NALCN: variants seen among roughly 807,000 people sequenced by gnomAD.
NALCN encodes sodium leak channel NALCN.
In NALCN, 111 loss-of-function variants were observed where a neutral mutation model predicts 225.3. The observed-to-expected ratio is 0.49, with a 90% CI of 0.42 to 0.58. NALCN has a LOEUF of 0.58. NALCN is among the 20% of genes least tolerant of loss of function. The pLI, the probability that NALCN is intolerant of heterozygous loss-of-function variation, is 0.00. For missense variants in NALCN, 1,378 were observed against 2,202.4 expected, an observed-to-expected ratio of 0.63 and a Z score of 7.49; for synonymous variants, 764 against 769.0, an observed-to-expected ratio of 0.99 and a Z score of 0.11.
intron 7 of NALCN, among the ~76,000 whole-genome samples, chr13:101,339,465 A>C (rs1242730706): frequency 6.6e-6 from 1 of 152,164 alleles, no homozygotes; most frequent in Non-Finnish European, 1.5e-5. Flanking sequence ...TCCAGAAATA[A>C]AGATGGAAAG....
intron 17 of NALCN, among the ~76,000 whole-genome samples, chr13:101,128,584 C>T (rs1338014848): frequency 2.0e-5 from 3 of 150,324 alleles, no homozygotes; most frequent in African/African-American, 2.4e-5. Context: ...GACAGGGTTT[C>T]GTTCTGTCAC....
At chr13:101,107,415 T>C in intron 22 of NALCN, 72 bp downstream of exon 22, 1 of 1,604,098 alleles carries the variant, frequency 6.2e-7, no homozygotes, top group Non-Finnish European at 8.5e-7. Context: ...CGTTCCTTCT[T>C]CTTCATATGA....
intron 15 of NALCN, among the ~76,000 whole-genome samples, chr13:101,170,894 A>G (rs2038680589): frequency 6.6e-6 from 1 of 152,114 alleles, no homozygotes; most frequent in Non-Finnish European, 1.5e-5. Flanking sequence ...ATTTTATACC[A>G]CTTAAAAGAA....
intron 1 of NALCN, among the ~76,000 whole-genome samples, 186 bp from the exon 2 acceptor site, chr13:101,399,351 T>C (rs2047402463): frequency 6.6e-6 from 1 of 152,190 alleles, no homozygotes; most frequent in Non-Finnish European, 1.5e-5. Context: ...AGCTTGATTT[T>C]TTTCTCCCAA....
Position 101,308,841 on chromosome 13 carries a change from C to A in NALCN, c.800-16475G>T, listed in dbSNP as rs1438618423. On this transcript the variant is annotated intron_variant, in intron 7 of 43. Coordinates refer to ENST00000251127, the MANE Select transcript of NALCN (RefSeq NM_052867.4). Reference sequence around the variant, plus strand: ...ACAGCTCTTTTTTTCTCACAAAAGCCACTCTACTAACCTTGCCCTAAGTTA... The same window carrying A: ...ACAGCTCTTTTTTTCTCACAAAAGCAACTCTACTAACCTTGCCCTAAGTTA... Among the ~76,000 whole-genome samples the A allele has an allele frequency of 2.0e-5, 3 of 152,172 alleles. No homozygotes were observed. The East Asian group carries it at 5.8e-4, about 29-fold the overall frequency.
Position 101,378,595 on chromosome 13 carries a change from C to T in NALCN, c.350G>A (p.Cys117Tyr). 6.2e-7 allele frequency: 1 copy of T among 1,608,664 alleles called. No homozygotes were observed. The highest frequency in any genetic ancestry group is 8.5e-7 in the Non-Finnish European group (1 of 1,177,066). The change falls in exon 4 of 44, where the codon TGC (cysteine) becomes TAC (tyrosine). Residue 117 changes from cysteine (C) to tyrosine (Y), a missense_variant. By Grantham distance (194) the Cys-to-Tyr change is radical (BLOSUM62 -2). Coordinates refer to ENST00000251127, the MANE Select transcript of NALCN (RefSeq NM_052867.4). ...CTGTAGCACCAAAGAAACCCAAAGGCAAAAGACCATAAATCCATCAAAAAC... is the reference window on the plus strand; with the variant it reads ...CTGTAGCACCAAAGAAACCCAAAGGTAAAAGACCATAAATCCATCAAAAAC... ...WCVFDGFMVF[C>Y]LWVSLVLQVF...
intron 6 of NALCN, among the ~76,000 whole-genome samples, chr13:101,366,669 A>G (rs557636030): frequency 6.6e-6 from 1 of 152,302 alleles, no homozygotes; most frequent in East Asian, 1.9e-4. Flanking sequence ...TCATAATTGT[A>G]TTACTTTAAT....
chr13:101,254,869 C>T lies in NALCN; in HGVS notation c.1266+3574G>A, dbSNP rs1424868978. 9.8e-5 allele frequency among the ~76,000 whole-genome samples: 5 copies of T among 51,168 alleles called. 2 individuals carry two copies. Among genetic ancestry groups the T allele is most frequent in the Non-Finnish European group, 2.2e-4 (5 of 22,342 alleles). The allele number at this position is 51,168 out of a possible 152,430, so 33.6% of individuals were successfully genotyped here. The stretch of plus-strand genomic sequence containing the variant: ...TCCCGCCACTGCACTCCAGCCTGGG[C>T]GACAGAGCGAGACTCTGTCTCAAAA... On this transcript the variant is annotated intron_variant, in intron 11 of 43. Transcript: ENST00000251127.
chr13:101,095,506 A>G, intron 28 of NALCN, 68 bp downstream of exon 28: 1 of 1,263,922 alleles, frequency 7.9e-7, no homozygotes, highest in Non-Finnish European at 1.1e-6. Flanking sequence ...ATGCCATATG[A>G]TACTTATTTA....
chr13:101,376,714 A>G lies in NALCN; in HGVS notation c.630T>C (p.Asn210=), dbSNP rs764962032. The change falls in exon 6 of 44, where the codon AAT becomes AAC. Residue 210 remains asparagine, a synonymous_variant. Coordinates refer to ENST00000251127, the MANE Select transcript of NALCN (RefSeq NM_052867.4). The part of the protein sequence containing the change: ...FGTFTYHCVV[N]DTKPGNVTWN... ...GATAAACTTACCCTGGCTTTGTGTCATTTACAACACAGTGATAAGTAAATG... is the reference window on the plus strand; with the variant it reads ...GATAAACTTACCCTGGCTTTGTGTCGTTTACAACACAGTGATAAGTAAATG... The G allele has an allele frequency of 6.2e-6, 10 of 1,604,068 alleles. No homozygotes were observed. Among genetic ancestry groups the G allele is most frequent in the Non-Finnish European group, 7.6e-6 (9 of 1,177,740 alleles).
At chr13:101,338,376 T>C (rs1371728354) in intron 7 of NALCN, among the ~76,000 whole-genome samples, 2 of 152,232 alleles carry the variant, frequency 1.3e-5, no homozygotes, top group Non-Finnish European at 2.9e-5. Flanking sequence ...CTGATGATTC[T>C]AAAGACTAAT....
chr13:101,389,353 T>C (rs2047078757), intron 3 of NALCN, among the ~76,000 whole-genome samples: 1 of 152,200 alleles, frequency 6.6e-6, no homozygotes, highest in Admixed American at 6.5e-5. Context: ...TGCAGGTTAA[T>C]GTAAAACAAA....
Position 101,263,138 on chromosome 13 carries a change from C to T in NALCN, c.1135-4564G>A, listed in dbSNP as rs111895852. Among the ~76,000 whole-genome samples, 409 of 152,242 alleles carry T rather than the reference C, an allele frequency of 2.7e-3. 2 individuals carry two copies. Among genetic ancestry groups the T allele is most frequent in the African/African-American group, 9.1e-3 (376 of 41,530 alleles). On this transcript the variant is annotated intron_variant, in intron 10 of 43. Transcript: ENST00000251127. ...ATAATTTGAGACATGCCAGTGACAT[C>T]GGGAAAGTAGACTTTTATTAAGGCT...
At chr13:101,360,140 CTCTCTTTT>C (rs2046196994) in intron 6 of NALCN, among the ~76,000 whole-genome samples, 8 of 138,974 alleles carry the variant, frequency 5.8e-5, no homozygotes, top group African/African-American at 2.2e-4. Flanking sequence ...TTCTTTCTTT[CTCTCTTTT>C]TTTCTTTCTT....
chr13:101,315,823 C>T (rs2044532586), intron 7 of NALCN, among the ~76,000 whole-genome samples: 1 of 151,990 alleles, frequency 6.6e-6, no homozygotes, highest in South Asian at 2.1e-4. Flanking sequence ...AAAAATGAAA[C>T]ATCACTACTG....
rs370449344 is a variant in NALCN, at chr13:101,161,059, T to G, written c.1839+15241A>C. Among the ~76,000 whole-genome samples, 11 of 152,308 alleles carry G rather than the reference T, an allele frequency of 7.2e-5. No homozygotes were observed. In the East Asian group the frequency reaches 2.1e-3, roughly 29 times the overall value. On this transcript the variant is annotated intron_variant, in intron 15 of 43. Transcript: ENST00000251127. ...TTTCTTCCCACCCTATACAATCTCA[T>G]CCAGATTTACACCTTCCAGTATTAT...
chr13:101,057,841 G>T (rs769801275), intron 43 of NALCN, 98 bp downstream of exon 43: 4 of 907,790 alleles, frequency 4.4e-6, no homozygotes, highest in Non-Finnish European at 7.4e-6. Context: ...AACTGTAGAT[G>T]CAGACTTGCA....
At chr13:101,156,939 T>G (rs112382159) in intron 15 of NALCN, among the ~76,000 whole-genome samples, 1 of 152,182 alleles carries the variant, frequency 6.6e-6, no homozygotes, top group African/African-American at 2.4e-5. Context: ...GTCAAATGAA[T>G]AGTTTTTAAA....
At chr13:101,140,278 A>G (rs1262385270) in intron 17 of NALCN, among the ~76,000 whole-genome samples, 1 of 152,170 alleles carries the variant, frequency 6.6e-6, no homozygotes, top group Non-Finnish European at 1.5e-5. Flanking sequence ...GGCGGGCCAC[A>G]TTCTCTTTAG....
Sources: allele counts gnomAD v4.1 joint callset (sites outside exome capture counted in the v4.1 genomes callset), GRCh38; gene constraint gnomAD v4.1.1; transcripts MANE v1.5; gene names NCBI Gene and HGNC (gene_info 2026-07-23, HGNC 2026-07-21).